The following ITFG2 variants were observed in gnomAD, a reference collection of about 807,000 sequenced individuals.
ITFG2 encodes the protein integrin alpha FG-GAP repeat containing 2, also known as KICSTOR complex protein ITFG2.
ITFG2 carries 36 observed loss-of-function variants against 54.4 expected under a neutral mutation model. That is an observed-to-expected ratio of 0.66 (90% CI 0.51 to 0.87). The LOEUF (loss-of-function observed/expected upper bound fraction) is 0.87, where lower values mean the gene tolerates loss of function less well. Ranked by LOEUF, ITFG2 falls within the 40% of genes least tolerant of loss-of-function variation. The pLI is 0.00. For missense variants in ITFG2, 524 were observed against 576.7 expected (o/e 0.91, Z 0.94); for synonymous variants, 211 against 225.4 (o/e 0.94, Z 0.57).
In ITFG2 at chr12:2,821,313, C is replaced by T. The variant is rs755824575; in HGVS notation, c.747C>T (p.Ile249=). ...TGCTGCACCAGACATCTGGCCGTATCCACAACAAGAATGTCTCCACTCACC... is the reference window on the plus strand; with the variant it reads ...TGCTGCACCAGACATCTGGCCGTATTCACAACAAGAATGTCTCCACTCACC... ...DVVLHQTSGR[I]HNKNVSTHLI... Residue 249 remains isoleucine, a synonymous_variant, in exon 7 of 12, where the codon ATC becomes ATT. Coordinates refer to ENST00000228799, the MANE Select transcript of ITFG2 (RefSeq NM_018463.4). 1.1e-5 allele frequency: 17 copies of T among 1,610,288 alleles called. No individual in the cohort carries two copies. Among genetic ancestry groups the T allele is most frequent in the Non-Finnish European group, 1.4e-5 (16 of 1,178,274 alleles).
At chr12:2,838,729 A>G (rs2098034221) in intron 1 of ITFG2, among the ~76,000 whole-genome samples, 1 of 152,164 alleles carries the variant, frequency 6.6e-6, no homozygotes, top group Admixed American at 6.5e-5. Context: ...AGTAAGGAGA[A>G]TCTCTCTTGC....
chr12:2,828,190 A>G (rs2097979373), downstream of ITFG2: 4 of 1,141,170 alleles, frequency 3.5e-6, no homozygotes, highest in Non-Finnish European at 5.2e-6. Context: ...TCTCTGCCAG[A>G]GTCTTCTAGC....
chr12:2,827,079 G>C (rs2097970921), downstream of ITFG2: 1 of 1,520,598 alleles, frequency 6.6e-7, no homozygotes, highest in South Asian at 1.3e-5. The surrounding 1 kb of genome is among the most constrained non-coding windows in gnomAD (Gnocchi z 4.0). Context: ...GGACAGCAGG[G>C]GTCAGGGAGG....
chr12:2,819,231 G>A (rs1237199543), intron 4 of ITFG2, among the ~76,000 whole-genome samples: 1 of 152,124 alleles, frequency 6.6e-6, no homozygotes, highest in East Asian at 1.9e-4. Flanking sequence ...TTGGGAAGCC[G>A]AGGAGGGCAG....
chr12:2,834,916 C>G, upstream of ITFG2: 1 of 1,613,552 alleles, frequency 6.2e-7, no homozygotes, highest in Non-Finnish European at 8.5e-7. Flanking sequence ...CTGTCTCTGT[C>G]CCGTGCTGCA....
rs115303706 is a variant in ITFG2 at position 2,837,963 on chromosome 12, A to G, written n.146+1007A>G. ...TGCCTAAAGGAGAATACTGATAGAG[A>G]TGATAAACACGGAAAGAAAACCAAA... is the stretch of plus-strand genomic sequence containing the variant. On this transcript the variant is annotated intron_variant and non_coding_transcript_variant, in intron 1 of 3. Transcript: ENST00000537710. Among the ~76,000 whole-genome samples the G allele has an allele frequency of 9.6e-3, 1,457 of 152,296 alleles. 24 individuals carry two copies. Among genetic ancestry groups the G allele is most frequent in the African/African-American group, 0.034 (1,393 of 41,566 alleles).
intron 2 of ITFG2, chr12:2,854,801 G>A (rs2098082004): frequency 2.3e-6 from 3 of 1,296,868 alleles, no homozygotes; most frequent in African/African-American, 1.5e-5. Flanking sequence ...GAGCGGGGAA[G>A]GACAGAGTCC....
At chr12:2,819,921 G>T in intron 4 of ITFG2, 165 bp from the exon 5 acceptor site, 1 of 768,078 alleles carries the variant, frequency 1.3e-6, no homozygotes, top group East Asian at 2.9e-5. Context: ...AAATGGACGG[G>T]CAAGATGCCG....
chr12:2,827,902 G>C, downstream of ITFG2: 2 of 1,613,662 alleles, frequency 1.2e-6, no homozygotes, highest in South Asian at 2.2e-5. This position sits in a 1 kb window ranked among gnomAD's most constrained non-coding sequence, Gnocchi z 4.0. Context: ...GAGCACCAGG[G>C]CTGTTGCAGA....
upstream of ITFG2, among the ~76,000 whole-genome samples, chr12:2,832,808 C>G (rs910862164): frequency 2.0e-5 from 3 of 150,258 alleles, no homozygotes; most frequent in Non-Finnish European, 4.4e-5. Flanking sequence ...CTATGCACCT[C>G]TCCACCTGCC....
intron 2 of ITFG2, among the ~76,000 whole-genome samples, chr12:2,842,888 A>G (rs755066165): frequency 1.1e-4 from 16 of 152,158 alleles, no homozygotes; most frequent in Admixed American, 5.2e-4. Flanking sequence ...CCTGGTGGCT[A>G]TATTCAAAGT....
chr12:2,817,378 C>G (rs1465489692), intron 2 of ITFG2, 60 bp downstream of exon 2: 5 of 1,211,288 alleles, frequency 4.1e-6, no homozygotes, highest in Non-Finnish European at 4.8e-6. Context: ...CCAGGGACCA[C>G]CTAGGGTGAG....
chr12:2,830,498 T>C, intron 2 of ITFG2: 1 of 513,282 alleles, frequency 1.9e-6, no homozygotes, highest in South Asian at 3.1e-5. Flanking sequence ...GGGGGCAGAG[T>C]AATGGTGGTG....
At chr12:2,835,252 A>AGAGCGGGC, upstream of ITFG2, 1 of 976,336 alleles carries the variant, frequency 1.0e-6, no homozygotes, top group Non-Finnish European at 1.2e-6. Flanking sequence ...TGCCCGTGCC[A>AGAGCGGGC]GGTGGTTTGC....
At chr12:2,827,284 C>G, downstream of ITFG2, 2 of 1,613,900 alleles carry the variant, frequency 1.2e-6, no homozygotes, top group African/African-American at 1.3e-5. This position sits in a 1 kb window ranked among gnomAD's most constrained non-coding sequence, Gnocchi z 4.0. Context: ...ACTCCGTGCT[C>G]CAGGTCGATG....
At chr12:2,830,164 T>A (rs537425410) in intron 2 of ITFG2, 1 of 151,954 alleles carries the variant, frequency 6.6e-6, no homozygotes, top group Non-Finnish European at 1.5e-5. Flanking sequence ...ACTGGGGAAA[T>A]CAGAAAAGGT....
chr12:2,833,913 G>C (rs541867809), upstream of ITFG2, among the ~76,000 whole-genome samples: 47 of 152,352 alleles, frequency 3.1e-4, no homozygotes, highest in South Asian at 8.7e-3. Flanking sequence ...GCAGAGCCAG[G>C]ATCTGATCCC....
At position 2,823,922 on chromosome 12, in the gene ITFG2, C is replaced by A. The variant is rs1484467205; in HGVS notation, c.1219C>A (p.Leu407Met). Residue 407 changes from leucine (L) to methionine (M), a missense_variant, in exon 11 of 12, where the codon CTG becomes ATG. Transcript: ENST00000228799. ...LLETKPEYHS[L>M]LQELGVDPDD... ...GGAGACCAAGCCGGAGTACCACAGC[C>A]TGCTGCAGGAGCTGGGCGTGGGTGA... 6.8e-6 allele frequency: 11 copies of A among 1,613,162 alleles called. No individual in the cohort carries two copies. The highest frequency in any genetic ancestry group is 5.3e-5 in the African/African-American group (4 of 74,894).
Position 2,820,221 on chromosome 12 carries a change from G to A in ITFG2, c.542G>A (p.Gly181Asp), listed in dbSNP as rs752677731. 6.3e-7 allele frequency: 1 copy of A among 1,598,432 alleles called. No homozygotes were observed. Among genetic ancestry groups the A allele is most frequent in the East Asian group, 2.3e-5 (1 of 44,388 alleles). ...LVSLKKWMLEGQVDSLSVTLG... is the reference protein window; with the variant it reads ...LVSLKKWMLEDQVDSLSVTLG... ...TCCCTCAAGAAATGGATGCTGGAGG[G>A]TCAGGTAAGAAGCTGACTCTGGGGA... The change falls in exon 5 of 12, where the codon GGT becomes GAT. Residue 181 changes from glycine (G) to aspartate (D), a missense_variant. Physicochemically the swap from Gly to Asp is moderately conservative, Grantham distance 94. Coordinates refer to ENST00000228799, the MANE Select transcript of ITFG2 (RefSeq NM_018463.4).
Sources: allele counts gnomAD v4.1 joint callset (sites outside exome capture counted in the v4.1 genomes callset), GRCh38; gene constraint gnomAD v4.1.1; non-coding constraint Gnocchi (gnomAD v3.1); transcripts MANE v1.5; gene names NCBI Gene and HGNC (gene_info 2026-07-23, HGNC 2026-07-21).